MARCHF1: variants seen among roughly 807,000 people sequenced by gnomAD.
The protein encoded by MARCHF1 is E3 ubiquitin-protein ligase MARCHF1.
MARCHF1 carries 40 observed loss-of-function variants against 54.2 expected under a neutral mutation model. That is an observed-to-expected ratio of 0.74 (90% CI 0.57 to 0.96). MARCHF1 has a LOEUF of 0.96. MARCHF1 is among the 40% of genes least tolerant of loss of function. The pLI, the probability that MARCHF1 is intolerant of heterozygous loss-of-function variation, is 0.00. For missense variants in MARCHF1, 586 were observed against 656.5 expected (o/e 0.89, Z 1.17); for synonymous variants, 236 against 236.3 (o/e 1.00, Z 0.01).
chr4:164,146,527 C>A (rs1729747362), intron 1 of MARCHF1, among the ~76,000 whole-genome samples: 1 of 152,150 alleles, frequency 6.6e-6, no homozygotes, highest in South Asian at 2.1e-4. Flanking sequence ...TGCATATCTA[C>A]AAGTATCTGA....
At chr4:164,345,808 AT>A (rs1367097490) in intron 1 of MARCHF1, among the ~76,000 whole-genome samples, 3 of 151,430 alleles carry the variant, frequency 2.0e-5, no homozygotes, top group Non-Finnish European at 2.9e-5. Flanking sequence ...AAAGTTGTTT[AT>A]TTTTTTCTAA....
rs1337545433 is a variant in MARCHF1, at chr4:164,029,873, G to A, written c.-247-41164C>T. ...GTCTCCCAAAGTGCTGGCATTACAG[G>A]TGTGAGTCATCATACCCGGCCCAGG... On this transcript the variant is annotated intron_variant, in intron 2 of 9. Coordinates refer to ENST00000514618, the MANE Select transcript of MARCHF1 (RefSeq NM_001394959.1). Among the ~76,000 whole-genome samples, 15 of 152,206 alleles carry A rather than the reference G, an allele frequency of 9.9e-5. 1 individual carries two copies. The highest frequency in any genetic ancestry group is 1.8e-4 in the Non-Finnish European group (12 of 68,036).
intron 8 of MARCHF1, 125 bp from the exon 9 acceptor site, chr4:163,545,868 C>T (rs1738883109): frequency 6.6e-6 from 5 of 760,418 alleles, no homozygotes; most frequent in Non-Finnish European, 1.1e-5. Flanking sequence ...TCAGATGACA[C>T]TGTAATATTC....
chr4:163,656,199 C>T (rs1217389499), intron 5 of MARCHF1, among the ~76,000 whole-genome samples: 3 of 150,564 alleles, frequency 2.0e-5, no homozygotes, highest in Admixed American at 1.3e-4. Context: ...ATCAAACAGA[C>T]ATAATAAAAA....
intron 1 of MARCHF1, among the ~76,000 whole-genome samples, chr4:164,240,452 T>C (rs1199162126): frequency 6.6e-6 from 1 of 152,188 alleles, no homozygotes; most frequent in African/African-American, 2.4e-5. Flanking sequence ...TTGCTTTATG[T>C]CTGCATCATT....
intron 1 of MARCHF1, among the ~76,000 whole-genome samples, chr4:164,144,919 T>C (rs369615988): frequency 1.4e-3 from 159 of 112,000 alleles, no homozygotes; most frequent in Middle Eastern, 3.9e-3. Context: ...ATTGATAGAC[T>C]GCTAGCAAGA....
intron 1 of MARCHF1, among the ~76,000 whole-genome samples, chr4:164,241,138 T>G (rs910796471): frequency 2.0e-5 from 3 of 152,092 alleles, no homozygotes; most frequent in African/African-American, 7.2e-5. Context: ...AGGAACTGAC[T>G]CAACTCGCCC....
At chr4:163,908,917 C>A (rs949446121) in intron 3 of MARCHF1, among the ~76,000 whole-genome samples, 4 of 151,980 alleles carry the variant, frequency 2.6e-5, no homozygotes, top group African/African-American at 9.7e-5. Flanking sequence ...CTGTCACAAT[C>A]GTATCTACTG....
chr4:164,102,819 C>A (rs1483153359), intron 2 of MARCHF1, among the ~76,000 whole-genome samples: 5 of 134,492 alleles, frequency 3.7e-5, no homozygotes, highest in East Asian at 2.0e-4. Context: ...CACAGACTGG[C>A]AAATTGGATA....
rs1487617735 is a variant in MARCHF1 at position 164,274,373 on chromosome 4, T to C, written c.-323+109497A>G. On this transcript the variant is annotated intron_variant, in intron 1 of 9. Transcript: ENST00000514618. ...TCAAAAATGGCTTAAGCCTGCAACA[T>C]GTTTCTGAATGATTAACAAGGTGAT... 4.0e-5 allele frequency among the ~76,000 whole-genome samples: 6 copies of C among 151,838 alleles called. No homozygotes were observed. In the East Asian group the frequency reaches 7.7e-4, roughly 20 times the overall value.
intron 5 of MARCHF1, among the ~76,000 whole-genome samples, chr4:163,620,606 C>CACACACACACACAGAGAGAG (rs1282901525): frequency 1.8e-5 from 1 of 56,870 alleles, no homozygotes; most frequent in African/African-American, 4.7e-5. Context: ...CACACACACA[C>CACACACACACACAGAGAGAG]AGAGAGAGAG....
chr4:164,175,225 A>G (rs915369596), intron 1 of MARCHF1, among the ~76,000 whole-genome samples: 1 of 152,212 alleles, frequency 6.6e-6, no homozygotes, highest in African/African-American at 2.4e-5. Flanking sequence ...TGCAATTATG[A>G]CTTTTTATTA....
At chr4:164,307,601 C>T (rs187561795) in intron 1 of MARCHF1, among the ~76,000 whole-genome samples, 57 of 152,294 alleles carry the variant, frequency 3.7e-4, no homozygotes, top group African/African-American at 1.3e-3. Flanking sequence ...TCATTTTTGC[C>T]ATGCCAAAGA....
At chr4:163,845,968 A>G (rs1305958638) in intron 4 of MARCHF1, among the ~76,000 whole-genome samples, 1 of 152,172 alleles carries the variant, frequency 6.6e-6, no homozygotes, top group African/African-American at 2.4e-5. Context: ...CATATTTTTA[A>G]TGATTTTACT....
chr4:163,915,486 G>T (rs953591621), intron 3 of MARCHF1, among the ~76,000 whole-genome samples: 2 of 151,916 alleles, frequency 1.3e-5, no homozygotes, highest in African/African-American at 4.8e-5. Flanking sequence ...ATGGTATCCT[G>T]GATGAACTCC....
intron 2 of MARCHF1, among the ~76,000 whole-genome samples, chr4:164,001,967 A>C (rs929070127): frequency 4.0e-5 from 6 of 151,892 alleles, no homozygotes; most frequent in Non-Finnish European, 8.8e-5. Flanking sequence ...GAGAGCAGAT[A>C]ACTTATAGAA....
chr4:163,618,019 T>C (rs1340966836), intron 5 of MARCHF1, among the ~76,000 whole-genome samples: 1 of 152,212 alleles, frequency 6.6e-6, no homozygotes, highest in African/African-American at 2.4e-5. Flanking sequence ...AGCTTTCCTT[T>C]GGAGAGTTTT....
intron 1 of MARCHF1, among the ~76,000 whole-genome samples, chr4:164,215,217 G>A (rs926426623): frequency 6.6e-6 from 1 of 152,242 alleles, no homozygotes; most frequent in East Asian, 1.9e-4. Context: ...TCAGCAGATG[G>A]GGGAGCCAGA....
intron 1 of MARCHF1, among the ~76,000 whole-genome samples, chr4:164,231,628 C>T (rs752491457): frequency 1.8e-4 from 27 of 152,164 alleles, no homozygotes; most frequent in Non-Finnish European, 2.9e-4. Context: ...CATTTTGATA[C>T]GCCATGGAGA....
Sources: allele counts gnomAD v4.1 joint callset (sites outside exome capture counted in the v4.1 genomes callset), GRCh38; gene constraint gnomAD v4.1.1; transcripts MANE v1.5; gene names NCBI Gene and HGNC (gene_info 2026-07-23, HGNC 2026-07-21).